DHTKD1: variants seen among roughly 807,000 people sequenced by gnomAD.
DHTKD1 encodes dehydrogenase E1 and transketolase domain containing 1, also known as 2-oxoadipate dehydrogenase complex component E1.
A neutral mutation model predicts 101.8 loss-of-function variants in DHTKD1; 78 were observed. The observed-to-expected ratio is 0.77, with a 90% CI of 0.64 to 0.93. DHTKD1 has a LOEUF of 0.93. Ranked by LOEUF, DHTKD1 falls within the 40% of genes least tolerant of loss-of-function variation. The pLI, the probability that DHTKD1 is intolerant of heterozygous loss-of-function variation, is 0.00. For missense variants in DHTKD1, 1,223 were observed against 1,161.7 expected (o/e 1.05, Z -0.77); for synonymous variants, 462 against 450.3 (o/e 1.03, Z -0.33).
chr10:12,092,996 G>A (rs1833014603), intron 6 of DHTKD1, among the ~76,000 whole-genome samples: 1 of 151,112 alleles, frequency 6.6e-6, no homozygotes, highest in Admixed American at 6.6e-5. Flanking sequence ...TCCCTCCTCA[G>A]CCTCCTTAGT....
At chr10:12,081,706 C>T in intron 2 of DHTKD1, 79 bp downstream of exon 2, 3 of 1,540,490 alleles carry the variant, frequency 1.9e-6, no homozygotes, top group Non-Finnish European at 1.8e-6. Context: ...GAAGAAGCAG[C>T]ATCCCCACTG....
intron 8 of DHTKD1, among the ~76,000 whole-genome samples, chr10:12,098,551 G>C (rs1833108994): frequency 6.6e-6 from 1 of 152,048 alleles, no homozygotes; most frequent in African/African-American, 2.4e-5. Context: ...AAGGAACTTT[G>C]CCCTCTAAAT....
chr10:12,096,792 G>T (rs914522601), intron 7 of DHTKD1, among the ~76,000 whole-genome samples: 2 of 152,232 alleles, frequency 1.3e-5, no homozygotes, highest in African/African-American at 4.8e-5. Flanking sequence ...AGGTGTTGAT[G>T]ATTGTAGTTA....
chr10:12,088,850 G>A (rs939920900), intron 4 of DHTKD1, 136 bp from the exon 5 acceptor site: 5 of 781,866 alleles, frequency 6.4e-6, no homozygotes, highest in Non-Finnish European at 1.0e-5. Flanking sequence ...CTCCCAAAGT[G>A]CTGGAATTAC....
intron 8 of DHTKD1, among the ~76,000 whole-genome samples, chr10:12,099,861 A>G (rs1401184993): frequency 7.3e-6 from 1 of 136,090 alleles, no homozygotes; most frequent in East Asian, 2.1e-4. Context: ...TAGTGGAGCC[A>G]TCTCAGCTCA....
At chr10:12,070,272 T>C (rs1290121543) in intron 1 of DHTKD1, among the ~76,000 whole-genome samples, 1 of 152,194 alleles carries the variant, frequency 6.6e-6, no homozygotes, top group East Asian at 1.9e-4. Flanking sequence ...AATTATTGTA[T>C]CATTATTTAT....
At chr10:12,109,241 C>T (rs7912677) in intron 12 of DHTKD1, among the ~76,000 whole-genome samples, 134,062 of 151,990 alleles carry the variant, frequency 0.88, 59,241 homozygotes, top group East Asian at 0.98. Flanking sequence ...TTTTGGCATG[C>T]GTGCAGCTAA....
At position 12,087,968 on chromosome 10, in the gene DHTKD1, C is replaced by T. The variant is rs1041321862; in HGVS notation, c.717+239C>T. 6.6e-6 allele frequency among the ~76,000 whole-genome samples: 1 copy of T among 151,956 alleles called. No individual in the cohort carries two copies. Among genetic ancestry groups the T allele is most frequent in the Non-Finnish European group, 1.5e-5 (1 of 67,984 alleles). ...CTCTACCAAAAATAAAATAAGTTAGCCAAGCATGGTGGCACGCACCCGTGT... is the reference window on the plus strand; with the variant it reads ...CTCTACCAAAAATAAAATAAGTTAGTCAAGCATGGTGGCACGCACCCGTGT... On this transcript the variant is annotated intron_variant, in intron 4 of 16. Coordinates refer to ENST00000263035, the MANE Select transcript of DHTKD1 (RefSeq NM_018706.7). The surrounding 1 kb of genome is among the most constrained non-coding windows in gnomAD (Gnocchi z 5.2).
chr10:12,083,891 C>T (rs10906071), intron 2 of DHTKD1, among the ~76,000 whole-genome samples: 73,428 of 151,652 alleles, frequency 0.48, 19,598 homozygotes, highest in South Asian at 0.72. Flanking sequence ...AGAAAAAAAT[C>T]GAGATAAGCA....
chr10:12,082,983 A>C (rs559200177), intron 2 of DHTKD1, among the ~76,000 whole-genome samples: 1 of 152,048 alleles, frequency 6.6e-6, no homozygotes, highest in Non-Finnish European at 1.5e-5. Context: ...AAAAAAAATA[A>C]CAAAAAAATT....
At chr10:12,100,514 C>T (rs544387481) in intron 9 of DHTKD1, among the ~76,000 whole-genome samples, 3 of 151,502 alleles carry the variant, frequency 2.0e-5, no homozygotes, top group South Asian at 2.1e-4. Context: ...CCACCCGCCT[C>T]GGCCTCCCAA....
rs780313786 is a variant in DHTKD1 at position 12,089,004 on chromosome 10, C to A, written c.736C>A (p.Arg246=). The A allele has an allele frequency of 1.4e-5, 23 of 1,613,436 alleles. No individual in the cohort carries two copies. Among genetic ancestry groups the A allele is most frequent in the South Asian group, 1.1e-4 (10 of 91,048 alleles). Residue 246 remains arginine, a synonymous_variant, in exon 5 of 17, where the codon CGA becomes AGA. Coordinates refer to ENST00000263035, the MANE Select transcript of DHTKD1 (RefSeq NM_018706.7). ...ACAATAGCTGATGTTCCGTAAAATG[C>A]GAGGCTTAAGTGAATTTCCAGAGAA... ...FPPELMFRKM[R]GLSEFPENFS... is the part of the protein sequence containing the mutation.
intron 6 of DHTKD1, among the ~76,000 whole-genome samples, chr10:12,092,875 G>GT (rs1012164987): frequency 6.6e-6 from 1 of 151,848 alleles, no homozygotes; most frequent in Non-Finnish European, 1.5e-5. Flanking sequence ...AAATTGGTAG[G>GT]TTTTTTTGTT....
At position 12,107,895 on chromosome 10, in the gene DHTKD1, T is replaced by C; in HGVS notation, c.2048-14T>C. The C allele has an allele frequency of 2.6e-6, 4 of 1,567,960 alleles. No homozygotes were observed. The highest frequency in any genetic ancestry group is 3.5e-6 in the Non-Finnish European group (4 of 1,138,306). On this transcript the variant is annotated splice_polypyrimidine_tract_variant and intron_variant, in intron 11 of 16. Coordinates refer to ENST00000263035, the MANE Select transcript of DHTKD1 (RefSeq NM_018706.7). This position sits in a 1 kb window ranked among gnomAD's most constrained non-coding sequence, Gnocchi z 4.1. ...CTTCGTAGAGCTCTTACTCCCCACG[T>C]GGTACTTTTCCAGGAGAGGCCAAGT...
At chr10:12,077,362 G>A (rs148919757) in intron 1 of DHTKD1, among the ~76,000 whole-genome samples, 52 of 152,038 alleles carry the variant, frequency 3.4e-4, no homozygotes, top group African/African-American at 1.2e-3. Context: ...TGAGTAGCTG[G>A]GATTACAGGT....
chr10:12,097,702 A>G lies in DHTKD1; in HGVS notation c.1377A>G (p.Pro459=). The change falls in exon 8 of 17, where the codon CCA becomes CCG. Residue 459 remains proline, a synonymous_variant. Coordinates refer to ENST00000263035, the MANE Select transcript of DHTKD1 (RefSeq NM_018706.7). ...YKIIRARKSI[P]DTYAEHLIAG... ...TGGGCAGAGCTCGAAAGAGCATTCC[A>G]GACACATATGCAGAGCACCTCATTG... 3.1e-6 allele frequency: 5 copies of G among 1,612,890 alleles called. No individual in the cohort carries two copies. The highest frequency in any genetic ancestry group is 4.2e-6 in the Non-Finnish European group (5 of 1,179,344).
At position 12,100,042 on chromosome 10, in the gene DHTKD1, C is replaced by T. The variant is rs762443618; in HGVS notation, c.1672-136C>T. On this transcript the variant is annotated intron_variant, in intron 8 of 16. Transcript: ENST00000263035. ...AACTCCTTACCTCAAGTGATCCACC[C>T]GCCTGGGCCTCCCAAAGTGCTGGGA... 3.5e-4 allele frequency: 182 copies of T among 515,580 alleles called. 1 individual carries two copies. The highest frequency in any genetic ancestry group is 5.5e-4 in the Non-Finnish European group (159 of 289,910). 31.9% of individuals were successfully genotyped at this position (515,580 alleles called of 1,614,324 possible). A position where few individuals can be genotyped will look rare whatever the true frequency, so the allele number is the denominator to read the frequency against.
intron 13 of DHTKD1, 75 bp downstream of exon 13, chr10:12,113,139 C>T: frequency 6.3e-6 from 8 of 1,272,812 alleles, no homozygotes; most frequent in Non-Finnish European, 8.6e-6. Flanking sequence ...TTTTCCATAT[C>T]TAATTATATT....
At chr10:12,119,590 T>C (rs1360308562) in intron 15 of DHTKD1, among the ~76,000 whole-genome samples, 2 of 127,038 alleles carry the variant, frequency 1.6e-5, no homozygotes, top group African/African-American at 3.1e-5. Context: ...CACTCCAGCC[T>C]GGGCGACAGA....
Sources: allele counts gnomAD v4.1 joint callset (sites outside exome capture counted in the v4.1 genomes callset), GRCh38; gene constraint gnomAD v4.1.1; non-coding constraint Gnocchi (gnomAD v3.1); transcripts MANE v1.5; gene names NCBI Gene and HGNC (gene_info 2026-07-23, HGNC 2026-07-21).